DNAI3: variants seen among roughly 807,000 people sequenced by gnomAD.
DNAI3 encodes the protein dynein axonemal intermediate chain 3, also known as WD repeat domain 63.
DNAI3 carries 83 observed loss-of-function variants against 115.5 expected under a neutral mutation model. The ratio of observed to expected loss-of-function variants is 0.72; its 90% CI spans 0.60 to 0.86. The LOEUF (loss-of-function observed/expected upper bound fraction) is 0.86. Ranked by LOEUF, DNAI3 falls within the 40% of genes least tolerant of loss-of-function variation. DNAI3 has a pLI of 0.00. For missense variants in DNAI3, 1,004 were observed against 1,075.8 expected, an observed-to-expected ratio of 0.93 and a Z score of 0.93; for synonymous variants, 320 against 347.0, an observed-to-expected ratio of 0.92 and a Z score of 0.86.
chr1:85,098,180 G>T (rs1655184104), intron 12 of DNAI3, among the ~76,000 whole-genome samples: 1 of 152,150 alleles, frequency 6.6e-6, no homozygotes, highest in African/African-American at 2.4e-5. Flanking sequence ...ATCTACTCCA[G>T]CCCAGTTCTT....
At position 85,072,828 on chromosome 1, in the gene DNAI3, G is replaced by A. The variant is rs574498157; in HGVS notation, c.65-226G>A. On this transcript the variant is annotated intron_variant, in intron 2 of 22. Transcript: ENST00000294664. ...AAATTAGCCGGGTGTGGTGGCGGGC[G>A]CCTCTAGTCCCAGCTACTCGGGAGG... 7.1e-4 allele frequency among the ~76,000 whole-genome samples: 106 copies of A among 148,730 alleles called. 1 individual carries two copies. Among genetic ancestry groups the A allele is most frequent in the African/African-American group, 2.4e-3 (99 of 40,572 alleles).
chr1:85,095,178 G>A (rs561833111), intron 10 of DNAI3, among the ~76,000 whole-genome samples: 3 of 152,046 alleles, frequency 2.0e-5, no homozygotes, highest in African/African-American at 7.2e-5. Context: ...TGCTACACAG[G>A]GTTCTAGTTT....
intron 16 of DNAI3, 98 bp downstream of exon 16, chr1:85,110,233 C>T (rs1190785326): frequency 1.5e-5 from 15 of 1,019,302 alleles, no homozygotes; most frequent in Admixed American, 4.4e-5. Flanking sequence ...GGGCGGATCA[C>T]GAGGTCAGCA....
intron 8 of DNAI3, among the ~76,000 whole-genome samples, chr1:85,091,814 A>AAAT (rs1163551944): frequency 6.6e-6 from 1 of 152,184 alleles, no homozygotes; most frequent in African/African-American, 2.4e-5. Flanking sequence ...CGGGAGCTAC[A>AAAT]TGGTTCCAGG....
At chr1:85,119,026 G>A (rs1382735622) in intron 17 of DNAI3, among the ~76,000 whole-genome samples, 8 of 152,158 alleles carry the variant, frequency 5.3e-5, no homozygotes, top group Admixed American at 5.2e-4. Flanking sequence ...TTCCTGCTGT[G>A]TTAGGTAATT....
At chr1:85,112,764 GTTGT>G (rs1655696194) in intron 16 of DNAI3, among the ~76,000 whole-genome samples, 1 of 152,058 alleles carries the variant, frequency 6.6e-6, no homozygotes, top group African/African-American at 2.4e-5. Context: ...TATCAGTTGG[GTTGT>G]TTGTTTTATT....
Position 85,114,798 on chromosome 1 carries a change from C to T in DNAI3, c.1787-2931C>T, listed in dbSNP as rs937682073. Among the ~76,000 whole-genome samples, 10 of 152,318 alleles carry T rather than the reference C, an allele frequency of 6.6e-5. No homozygotes were observed. In the South Asian group the frequency reaches 1.0e-3, roughly 16 times the overall value. On this transcript the variant is annotated intron_variant, in intron 16 of 22. Transcript: ENST00000294664. ...TGTATCACAAGTCCTCGCTATCCCA[C>T]CATTTTCTCTTGAGGCCTGTTGAGA...
At chr1:85,101,369 A>C (rs1655303637) in intron 13 of DNAI3, among the ~76,000 whole-genome samples, 1 of 152,200 alleles carries the variant, frequency 6.6e-6, no homozygotes, top group South Asian at 2.1e-4. Flanking sequence ...GGAACTTCAT[A>C]TCACTTCCAT....
intron 5 of DNAI3, among the ~76,000 whole-genome samples, chr1:85,084,151 G>T: frequency 7.6e-6 from 1 of 131,246 alleles, no homozygotes; most frequent in African/African-American, 2.8e-5. Context: ...TACAAATAAA[G>T]CAGCAGTGTG....
chr1:85,094,202 A>T, intron 9 of DNAI3: 1 of 562,022 alleles, frequency 1.8e-6, no homozygotes, highest in East Asian at 3.1e-5. Flanking sequence ...AGTCCCCTGT[A>T]TATTTTATAC....
At chr1:85,080,176 C>T (rs1305320851) in intron 3 of DNAI3, among the ~76,000 whole-genome samples, 50 of 151,158 alleles carry the variant, frequency 3.3e-4, no homozygotes, top group South Asian at 8.3e-4. Context: ...CTCAGCCTCC[C>T]GAGTAGCTGG....
intron 8 of DNAI3, among the ~76,000 whole-genome samples, chr1:85,093,208 A>G (rs2100580344): frequency 6.6e-6 from 1 of 152,306 alleles, no homozygotes; most frequent in East Asian, 1.9e-4. Context: ...TGGCCTGGAG[A>G]GAGTACAGCC....
chr1:85,066,314 C>CATTTTT (rs1553164760), intron 1 of DNAI3, among the ~76,000 whole-genome samples: 6 of 70,032 alleles, frequency 8.6e-5, no homozygotes, highest in African/African-American at 1.2e-4. Context: ...TTCTGCTACT[C>CATTTTT]TTTTTTTTTT....
intron 10 of DNAI3, among the ~76,000 whole-genome samples, chr1:85,094,785 G>A (rs965396580): frequency 1.3e-5 from 2 of 152,034 alleles, no homozygotes; most frequent in African/African-American, 4.8e-5. Flanking sequence ...GATTGTAAGA[G>A]GAATGTTTAA....
chr1:85,085,049 A>G (rs984201034), intron 6 of DNAI3, among the ~76,000 whole-genome samples: 1 of 152,206 alleles, frequency 6.6e-6, no homozygotes, highest in African/African-American at 2.4e-5. Context: ...ATGGGATGAC[A>G]AAGAGACACA....
At chr1:85,076,879 C>A (rs908401377) in intron 3 of DNAI3, among the ~76,000 whole-genome samples, 1 of 152,096 alleles carries the variant, frequency 6.6e-6, no homozygotes, top group African/African-American at 2.4e-5. Flanking sequence ...ATTAGGCAGA[C>A]CTGGTTTAAG....
intron 3 of DNAI3, among the ~76,000 whole-genome samples, chr1:85,079,436 G>A (rs1654560728): frequency 6.6e-6 from 1 of 152,186 alleles, no homozygotes; most frequent in Non-Finnish European, 1.5e-5. Flanking sequence ...CTGGGGTGGG[G>A]GAAAATATTT....
At chr1:85,132,292 T>A (rs1392442906) in intron 22 of DNAI3, among the ~76,000 whole-genome samples, 1 of 152,220 alleles carries the variant, frequency 6.6e-6, no homozygotes, top group Non-Finnish European at 1.5e-5. Flanking sequence ...GCTCACCAGG[T>A]GCCAGGTTGA....
At chr1:85,099,884 TTTAA>T (rs774349031) in intron 13 of DNAI3, among the ~76,000 whole-genome samples, 21 of 152,256 alleles carry the variant, frequency 1.4e-4, no homozygotes, top group Non-Finnish European at 2.6e-4. Flanking sequence ...GGATTCCCTA[TTTAA>T]TAAATGGTGC....
Sources: gnomAD v4.1 joint callset for allele counts (sites outside exome capture counted in the v4.1 genomes callset) on GRCh38, gnomAD v4.1.1 for gene constraint, MANE v1.5 for transcripts, NCBI Gene and HGNC (gene_info 2026-07-23, HGNC 2026-07-21) for gene names.